ZNF407: variants seen among roughly 807,000 people sequenced by gnomAD.
ZNF407 encodes zinc finger protein 407.
In ZNF407, 17 loss-of-function variants were observed where a neutral mutation model predicts 131.2. The observed-to-expected ratio is 0.13, with a 90% CI of 0.09 to 0.19. The LOEUF (loss-of-function observed/expected upper bound fraction) is 0.19, where lower values mean the gene tolerates loss of function less well. Among genes scored for constraint, ZNF407 ranks in the 10% least tolerant of loss-of-function variants. The pLI is 1.00. For missense variants in ZNF407, 2,681 were observed against 2,830.6 expected, an observed-to-expected ratio of 0.95 and a Z score of 1.20; for synonymous variants, 1,156 against 1,062.0, an observed-to-expected ratio of 1.09 and a Z score of -1.72.
chr18:74,729,672 A>C (rs538543503), intron 3 of ZNF407, among the ~76,000 whole-genome samples: 1 of 152,212 alleles, frequency 6.6e-6, no homozygotes, highest in Non-Finnish European at 1.5e-5. Context: ...TATCACTGGC[A>C]TACAAAAGCA....
intron 8 of ZNF407, among the ~76,000 whole-genome samples, chr18:74,968,684 T>C (rs1972437008): frequency 6.6e-6 from 1 of 152,212 alleles, no homozygotes; most frequent in African/African-American, 2.4e-5. Context: ...AGTAATACCT[T>C]GTTTCTTTCT....
intron 8 of ZNF407, among the ~76,000 whole-genome samples, chr18:75,055,244 C>A (rs1973548744): frequency 6.6e-6 from 1 of 152,172 alleles, no homozygotes; most frequent in Non-Finnish European, 1.5e-5. Flanking sequence ...AGAGCCCTTC[C>A]CAGCCTAATT....
At chr18:74,932,446 A>G (rs1971993099) in intron 8 of ZNF407, among the ~76,000 whole-genome samples, 1 of 152,170 alleles carries the variant, frequency 6.6e-6, no homozygotes, top group South Asian at 2.1e-4. Flanking sequence ...ACAGTTGGAT[A>G]TGTGCATTTC....
At chr18:74,827,704 A>C (rs2145112793) in intron 4 of ZNF407, among the ~76,000 whole-genome samples, 1 of 152,306 alleles carries the variant, frequency 6.6e-6, no homozygotes. Flanking sequence ...TCAGATGCTA[A>C]GAAATCCTTA....
At chr18:74,839,042 C>T (rs920085503) in intron 4 of ZNF407, among the ~76,000 whole-genome samples, 93 of 152,064 alleles carry the variant, frequency 6.1e-4, no homozygotes, top group Non-Finnish European at 5.9e-5. Context: ...CTAAATACAG[C>T]TGTATTAAAT....
At chr18:75,010,215 C>T (rs1972957744) in intron 8 of ZNF407, among the ~76,000 whole-genome samples, 1 of 152,160 alleles carries the variant, frequency 6.6e-6, no homozygotes, top group South Asian at 2.1e-4. Flanking sequence ...ACATATTTCC[C>T]CCTGTCTACA....
At chr18:74,800,807 A>G (rs927205038) in intron 4 of ZNF407, among the ~76,000 whole-genome samples, 4 of 152,106 alleles carry the variant, frequency 2.6e-5, no homozygotes, top group Admixed American at 1.3e-4. Flanking sequence ...TTTACATTGA[A>G]TGTCTCTGAT....
chr18:74,843,327 A>G (rs1457195557), intron 4 of ZNF407, among the ~76,000 whole-genome samples: 1 of 152,180 alleles, frequency 6.6e-6, no homozygotes, highest in East Asian at 1.9e-4. Context: ...TAGATCGTTT[A>G]TATTTATTCA....
Position 75,064,273 on chromosome 18 carries a change from C to T in ZNF407, c.6552C>T (p.Gly2184=). The change falls in exon 9 of 9, where the codon GGC becomes GGT. Residue 2184 remains glycine (G), a synonymous_variant. Transcript: ENST00000299687. The stretch of plus-strand genomic sequence containing the variant: ...CCCCAGGGGTGCAGGACGAGCCGGG[C>T]CTGTACTCCCACACCGTGCTGGAGA... The part of the protein sequence containing the change: ...ELPPGVQDEP[G]LYSHTVLETA... 1 of 1,604,878 alleles carries T rather than the reference C, an allele frequency of 6.2e-7. No individual in the cohort carries two copies.
chr18:74,675,108 C>T (rs1986301833), intron 3 of ZNF407, among the ~76,000 whole-genome samples: 2 of 152,228 alleles, frequency 1.3e-5, no homozygotes, highest in South Asian at 4.1e-4. Context: ...TAACTGCTCA[C>T]TACTCTGTTG....
intron 8 of ZNF407, among the ~76,000 whole-genome samples, chr18:74,964,265 G>A (rs1429371534): frequency 1.3e-5 from 2 of 152,180 alleles, no homozygotes; most frequent in African/African-American, 4.8e-5. Context: ...CCTTGTGAGG[G>A]ATCATGTTAT....
chr18:74,836,708 G>A (rs1202147995), intron 4 of ZNF407, among the ~76,000 whole-genome samples: 3 of 152,188 alleles, frequency 2.0e-5, no homozygotes, highest in Non-Finnish European at 4.4e-5. Flanking sequence ...AGTGTGCCAA[G>A]GCCAGGCTGA....
chr18:74,987,555 G>A (rs1972668027), intron 8 of ZNF407, among the ~76,000 whole-genome samples: 1 of 152,132 alleles, frequency 6.6e-6, no homozygotes, highest in Non-Finnish European at 1.5e-5. Context: ...TCTCCTTTCA[G>A]TGACAAATAA....
intron 2 of ZNF407, among the ~76,000 whole-genome samples, chr18:74,637,483 T>G (rs1984515418): frequency 6.7e-6 from 1 of 149,836 alleles, no homozygotes; most frequent in Non-Finnish European, 1.5e-5. Context: ...TAACATTTAG[T>G]AAAAGTTAGC....
Position 74,634,909 on chromosome 18 carries a change from T to A in ZNF407, c.3890T>A (p.Val1297Asp). ...RGHGLEDLKGVQEDPVLGNKE... is the reference protein window; with the variant it reads ...RGHGLEDLKGDQEDPVLGNKE... ...CATGGTTTGGAAGACTTGAAAGGTGTCCAAGAAGATCCCGTTCTGGGGAAT... is the reference window on the plus strand; with the variant it reads ...CATGGTTTGGAAGACTTGAAAGGTGACCAAGAAGATCCCGTTCTGGGGAAT... Residue 1297 changes from valine (V) to aspartate (D), a missense_variant, in exon 2 of 9, where the codon GTC (valine) becomes GAC (aspartate). Val to Asp is a radical substitution (Grantham distance 152). This residue lies in a region of ZNF407 where 1,789 missense variants were observed against 1,748.7 expected (regional missense o/e 1.02). Coordinates refer to ENST00000299687, the MANE Select transcript of ZNF407 (RefSeq NM_017757.3). 2.5e-6 allele frequency: 4 copies of A among 1,613,770 alleles called. No homozygotes were observed. The highest frequency in any genetic ancestry group is 3.4e-6 in the Non-Finnish European group (4 of 1,179,768).
intron 8 of ZNF407, among the ~76,000 whole-genome samples, chr18:74,928,803 T>G (rs1030378840): frequency 2.0e-5 from 3 of 152,066 alleles, no homozygotes; most frequent in African/African-American, 7.2e-5. Flanking sequence ...CGGAGCTAGT[T>G]TTTCAGGTTT....
At chr18:75,035,509 C>G (rs1421109163) in intron 8 of ZNF407, among the ~76,000 whole-genome samples, 1 of 152,170 alleles carries the variant, frequency 6.6e-6, no homozygotes. Flanking sequence ...CTCAGGGTCT[C>G]GTTCTCTATA....
intron 2 of ZNF407, among the ~76,000 whole-genome samples, chr18:74,639,146 T>C (rs1189552675): frequency 6.6e-6 from 1 of 152,164 alleles, no homozygotes; most frequent in African/African-American, 2.4e-5. Flanking sequence ...AAAGGAGCCA[T>C]GGACAGTAAA....
At chr18:74,856,399 A>G (rs1970859648) in intron 4 of ZNF407, among the ~76,000 whole-genome samples, 2 of 152,224 alleles carry the variant, frequency 1.3e-5, no homozygotes, top group African/African-American at 2.4e-5. Flanking sequence ...AACATTTATG[A>G]CTATAAATTT....
Sources: gnomAD v4.1 joint callset for allele counts (sites outside exome capture counted in the v4.1 genomes callset) on GRCh38, gnomAD v4.1.1 for gene constraint, gnomAD v4.1.1 regional missense constraint, MANE v1.5 for transcripts, NCBI Gene and HGNC (gene_info 2026-07-23, HGNC 2026-07-21) for gene names.